NRG4: variants seen among roughly 807,000 people sequenced by gnomAD.
NRG4 encodes pro-neuregulin-4, membrane-bound isoform.
NRG4 carries 10 observed loss-of-function variants against 15.0 expected under a neutral mutation model. The observed-to-expected ratio is 0.67, with a 90% CI of 0.41 to 1.13. NRG4 has a LOEUF of 1.13. NRG4 is among the 50% of genes most tolerant of loss of function. NRG4 has a pLI of 0.00. For synonymous variants in NRG4, 41 were observed against 50.1 expected, an observed-to-expected ratio of 0.82 and a Z score of 0.77; for missense variants, 139 against 140.2, an observed-to-expected ratio of 0.99 and a Z score of 0.04.
upstream of NRG4, among the ~76,000 whole-genome samples, chr15:76,013,121 A>G (rs1477432084): frequency 6.6e-6 from 1 of 152,256 alleles, no homozygotes; most frequent in Non-Finnish European, 1.5e-5. Flanking sequence ...ACGACAATTC[A>G]GACATTATTA....
chr15:76,033,683 C>A (rs1273706086), intron 5 of NRG4, among the ~76,000 whole-genome samples: 2 of 152,178 alleles, frequency 1.3e-5, no homozygotes, highest in Non-Finnish European at 2.9e-5. Context: ...TCTCCACCAT[C>A]CTAAATGTGT....
At chr15:75,946,638 C>T (rs2031533432) in intron 5 of NRG4, among the ~76,000 whole-genome samples, 2 of 152,262 alleles carry the variant, frequency 1.3e-5, no homozygotes, top group Admixed American at 6.5e-5. Context: ...GGATTATAGG[C>T]GTGAGCCACC....
At chr15:76,056,498 A>T (rs1338916574) in intron 2 of NRG4, among the ~76,000 whole-genome samples, 1 of 151,810 alleles carries the variant, frequency 6.6e-6, no homozygotes, top group Non-Finnish European at 1.5e-5. Flanking sequence ...AAATTAAATT[A>T]AAAAATAAAA....
intron 3 of NRG4, among the ~76,000 whole-genome samples, chr15:75,963,509 G>C (rs866754182): frequency 3.3e-5 from 5 of 152,068 alleles, no homozygotes. Context: ...GCCGGGCATG[G>C]TGGCTCACGC....
At chr15:75,954,361 G>A (rs759686687) in intron 5 of NRG4, among the ~76,000 whole-genome samples, 4 of 147,178 alleles carry the variant, frequency 2.7e-5, no homozygotes, top group Non-Finnish European at 4.5e-5. Context: ...CTTGACTTTT[G>A]AATCTATGTA....
chr15:75,991,530 A>G (rs1362994844), intron 3 of NRG4, among the ~76,000 whole-genome samples: 3 of 152,122 alleles, frequency 2.0e-5, no homozygotes, highest in Non-Finnish European at 4.4e-5. Context: ...GTGTACATTT[A>G]ATGGAATGTA....
chr15:76,053,977 C>T (rs570190633), intron 2 of NRG4, among the ~76,000 whole-genome samples: 4 of 151,190 alleles, frequency 2.6e-5, no homozygotes, highest in African/African-American at 9.8e-5. Flanking sequence ...TCATAGAGTA[C>T]ATGCAAAATT....
chr15:76,047,324 C>T (rs890884741), intron 4 of NRG4, among the ~76,000 whole-genome samples: 13 of 150,976 alleles, frequency 8.6e-5, no homozygotes, highest in East Asian at 1.9e-4. Flanking sequence ...TCTGCACTCC[C>T]GTCTATACTG....
intron 3 of NRG4, among the ~76,000 whole-genome samples, chr15:75,984,234 T>TGTAC: frequency 6.6e-6 from 1 of 152,168 alleles, no homozygotes; most frequent in Middle Eastern, 3.2e-3. Flanking sequence ...TGGTAATGAA[T>TGTAC]GTACCATTCT....
intron 2 of NRG4, among the ~76,000 whole-genome samples, chr15:76,054,576 A>G (rs1281686432): frequency 2.0e-5 from 3 of 152,144 alleles, no homozygotes; most frequent in African/African-American, 7.2e-5. Context: ...CACCACGCTC[A>G]GATAATTTTT....
At chr15:76,051,164 C>T (rs536442709) in intron 4 of NRG4, among the ~76,000 whole-genome samples, 1 of 148,524 alleles carries the variant, frequency 6.7e-6, no homozygotes, top group Non-Finnish European at 1.5e-5. Flanking sequence ...CGCCACTACG[C>T]CCGGCTAATT....
At chr15:75,961,665 A>G (rs574433643) in intron 4 of NRG4, among the ~76,000 whole-genome samples, 163 bp downstream of exon 4, 3 of 152,232 alleles carry the variant, frequency 2.0e-5, no homozygotes, top group Non-Finnish European at 4.4e-5. Flanking sequence ...GCTTATTAAG[A>G]TTCTTTCAAA....
In NRG4 at chr15:76,054,235, A is replaced by C. The variant is rs185368963; in HGVS notation, c.-261-1252T>G. Among the ~76,000 whole-genome samples the C allele has an allele frequency of 5.5e-3, 818 of 149,950 alleles. 54 individuals carry two copies. The highest frequency in any genetic ancestry group is 0.019 in the African/African-American group (777 of 39,956). ...CCCGAGCAACTGGGACCACAAGTGC[A>C]CACCACCACATCTGGCTAATTCTTA... On this transcript the variant is annotated intron_variant, in intron 2 of 8. Transcript: ENST00000563910.
intron 3 of NRG4, among the ~76,000 whole-genome samples, chr15:75,978,976 T>C (rs977696289): frequency 6.6e-6 from 1 of 152,220 alleles, no homozygotes; most frequent in African/African-American, 2.4e-5. Flanking sequence ...TTTGGGCTTT[T>C]TTTTCCTGCA....
At chr15:75,987,708 T>C (rs1397969838) in intron 3 of NRG4, among the ~76,000 whole-genome samples, 1 of 152,252 alleles carries the variant, frequency 6.6e-6, no homozygotes, top group Admixed American at 6.5e-5. Context: ...TTAAGCCATC[T>C]TGTCTATGGT....
intron 5 of NRG4, among the ~76,000 whole-genome samples, chr15:76,022,320 A>G (rs1041276935): frequency 1.3e-5 from 2 of 152,210 alleles, no homozygotes; most frequent in Non-Finnish European, 2.9e-5. Context: ...AAGCACAAAA[A>G]TGTTTTAGGC....
chr15:75,963,152 G>C (rs61521312), intron 3 of NRG4, among the ~76,000 whole-genome samples: 6,016 of 152,216 alleles, frequency 0.04, 215 homozygotes, highest in African/African-American at 0.094. Context: ...TGAGTTAGAT[G>C]AGCATATTAA....
Position 75,941,600 on chromosome 15 carries a change from A to G in NRG4, c.*2038T>C, listed in dbSNP as rs989096355. On this transcript the variant is annotated 3_prime_UTR_variant, in exon 6 of 6. Coordinates refer to ENST00000394907, the MANE Select transcript of NRG4 (RefSeq NM_138573.4). ...GAATATTATTCAGCCATAAAAAGGA[A>G]ATCCTTCTACATACTACATCATGGA... is the stretch of plus-strand genomic sequence containing the variant. The G allele has an allele frequency of 6.6e-6, 1 of 152,190 alleles. No individual in the cohort carries two copies. Among genetic ancestry groups the G allele is most frequent in the East Asian group, 1.9e-4 (1 of 5,198 alleles). 9.4% of individuals were successfully genotyped at this position (152,190 alleles called of 1,614,324 possible).
intron 3 of NRG4, among the ~76,000 whole-genome samples, chr15:75,983,846 A>G (rs1371494878): frequency 2.0e-5 from 3 of 152,196 alleles, no homozygotes; most frequent in African/African-American, 7.2e-5. Context: ...ATTCAACTTT[A>G]TAAACATATA....
Sources: gnomAD v4.1 joint callset for allele counts (sites outside exome capture counted in the v4.1 genomes callset) on GRCh38, gnomAD v4.1.1 for gene constraint, MANE v1.5 for transcripts, NCBI Gene and HGNC (gene_info 2026-07-23, HGNC 2026-07-21) for gene names.